CPNE5: variants seen among roughly 807,000 people sequenced by gnomAD.
CPNE5 encodes the protein copine 5.
A neutral mutation model predicts 81.1 loss-of-function variants in CPNE5; 42 were observed. The observed-to-expected ratio is 0.52, with a 90% CI of 0.40 to 0.67. The LOEUF (loss-of-function observed/expected upper bound fraction) is 0.67. CPNE5 is among the 30% of genes least tolerant of loss of function. The pLI is 0.00. For missense variants in CPNE5, 612 were observed against 815.5 expected, an observed-to-expected ratio of 0.75 and a Z score of 3.04; for synonymous variants, 313 against 321.5, an observed-to-expected ratio of 0.97 and a Z score of 0.28.
At chr6:36,809,813 C>A (rs949283718) in intron 3 of CPNE5, among the ~76,000 whole-genome samples, 1 of 151,816 alleles carries the variant, frequency 6.6e-6, no homozygotes, top group Non-Finnish European at 1.5e-5. Flanking sequence ...CTGAGTGGAG[C>A]CCTGGTTCAC....
chr6:36,744,974 C>T (rs1049472529), intron 18 of CPNE5, 74 bp downstream of exon 18: 5 of 1,056,554 alleles, frequency 4.7e-6, no homozygotes, highest in South Asian at 1.3e-5. Flanking sequence ...GAGGTAGGCA[C>T]ATCCCCAGGG....
At chr6:36,772,556 G>A (rs1164441546) in intron 10 of CPNE5, among the ~76,000 whole-genome samples, 1 of 152,208 alleles carries the variant, frequency 6.6e-6, no homozygotes, top group Non-Finnish European at 1.5e-5. Context: ...TCTCCCTAAA[G>A]ATGGGAAGGC....
chr6:36,776,614 G>T (rs1054057772), intron 9 of CPNE5, among the ~76,000 whole-genome samples: 3 of 152,088 alleles, frequency 2.0e-5, no homozygotes, highest in Non-Finnish European at 4.4e-5. Flanking sequence ...AGCCCTGCTA[G>T]GCTCCAAATA....
intron 1 of CPNE5, among the ~76,000 whole-genome samples, chr6:36,831,560 G>C (rs1420103409): frequency 1.4e-5 from 2 of 147,236 alleles, no homozygotes; most frequent in Non-Finnish European, 3.0e-5. Context: ...CACCATGTTG[G>C]CCAGGGAGGT....
intron 12 of CPNE5, among the ~76,000 whole-genome samples, chr6:36,760,515 AG>A (rs1033748478): frequency 9.9e-5 from 15 of 152,122 alleles, no homozygotes; most frequent in African/African-American, 3.6e-4. Context: ...AAGCCCCATA[AG>A]GGGGGAGATG....
chr6:36,800,944 A>G (rs573652120), intron 3 of CPNE5, among the ~76,000 whole-genome samples: 31 of 152,296 alleles, frequency 2.0e-4, no homozygotes, highest in African/African-American at 6.7e-4. Flanking sequence ...TTGCAAGCAA[A>G]TCTTGCCCAG....
intron 8 of CPNE5, among the ~76,000 whole-genome samples, chr6:36,786,279 G>A (rs1439653790): frequency 6.6e-6 from 1 of 152,184 alleles, no homozygotes; most frequent in Non-Finnish European, 1.5e-5. Context: ...GGCAGAAGCA[G>A]GAAACCTGGG....
At chr6:36,813,621 T>G (rs1771292596) in intron 3 of CPNE5, among the ~76,000 whole-genome samples, 2 of 152,216 alleles carry the variant, frequency 1.3e-5, no homozygotes, top group African/African-American at 4.8e-5. Context: ...CCCTACAGGA[T>G]CTGAACCTGA....
chr6:36,777,766 CCACA>C lies in CPNE5; in HGVS notation c.632+1084_632+1087del, dbSNP rs34423091. Among the ~76,000 whole-genome samples, 265 of 109,506 alleles carry C rather than the reference CCACA, an allele frequency of 2.4e-3. 3 individuals carry two copies. Among genetic ancestry groups the C allele is most frequent in the African/African-American group, 7.0e-3 (178 of 25,250 alleles). The allele number at this position is 109,506 out of a possible 152,430, so 71.8% of individuals were successfully genotyped here. Reference sequence around the variant, plus strand: ...GCTCCCCTGCCTACCCCCCCCCCCACCACACACACACACACACACACACACACAC... The same window carrying C: ...GCTCCCCTGCCTACCCCCCCCCCCACCACACACACACACACACACACACAC... On this transcript the variant is annotated intron_variant, in intron 9 of 20. Coordinates refer to ENST00000244751, the MANE Select transcript of CPNE5 (RefSeq NM_020939.2).
intron 1 of CPNE5, among the ~76,000 whole-genome samples, chr6:36,831,638 C>CAAAAAAAAAAAAA (rs35409136): frequency 2.4e-5 from 2 of 83,942 alleles, no homozygotes; most frequent in Admixed American, 1.4e-4. Flanking sequence ...GACACCATCT[C>CAAAAAAAAAAAAA]AAAAAAAAAA....
chr6:36,808,457 A>G (rs926717498), intron 3 of CPNE5, among the ~76,000 whole-genome samples: 8 of 152,106 alleles, frequency 5.3e-5, no homozygotes, highest in African/African-American at 1.9e-4. Flanking sequence ...GCTGGGAGGC[A>G]GCAACAGACA....
chr6:36,744,377 T>G (rs1177606629), intron 18 of CPNE5, 52 bp from the exon 19 acceptor site: 10 of 1,446,600 alleles, frequency 6.9e-6, no homozygotes, highest in Non-Finnish European at 9.5e-6. Flanking sequence ...TGGGACCCAG[T>G]TAAAAGGAAG....
chr6:36,806,579 C>G (rs886714189), intron 3 of CPNE5, among the ~76,000 whole-genome samples: 1 of 152,214 alleles, frequency 6.6e-6, no homozygotes, highest in Non-Finnish European at 1.5e-5. Context: ...CTCATCCATA[C>G]CTTTGAGAGA....
At chr6:36,762,304 G>GCACACACA (rs60481458) in intron 12 of CPNE5, among the ~76,000 whole-genome samples, 9,528 of 146,402 alleles carry the variant, frequency 0.065, 360 homozygotes, top group Middle Eastern at 0.17. Context: ...ACACATACAT[G>GCACACACA]CACACACACA....
rs116733746 is a variant in CPNE5 at position 36,802,931 on chromosome 6, G to A, written c.184-2861C>T. 2.8e-3 allele frequency among the ~76,000 whole-genome samples: 422 copies of A among 152,144 alleles called. 3 individuals are homozygous for A. Among genetic ancestry groups the A allele is most frequent in the African/African-American group, 9.8e-3 (407 of 41,512 alleles). ...AATTGAGCCAGGCTTGATGGCGCAC[G>A]CCTATAGTCCCAGATATTTGGGAGG... On this transcript the variant is annotated intron_variant, in intron 3 of 20. Transcript: ENST00000244751.
chr6:36,839,186 G>A lies in CPNE5; in HGVS notation c.95+97C>T. On this transcript the variant is annotated intron_variant, in intron 1 of 20. Transcript: ENST00000244751. The surrounding 1 kb of genome is among the most constrained non-coding windows in gnomAD (Gnocchi z 7.3). ...AGTCCTGGAGACCAGGACACTCTGGGAAGGGGGCGCGCGGAGGTTTAGGAT... is the reference window on the plus strand; with the variant it reads ...AGTCCTGGAGACCAGGACACTCTGGAAAGGGGGCGCGCGGAGGTTTAGGAT... 1 of 885,296 alleles carries A rather than the reference G, an allele frequency of 1.1e-6. No individual in the cohort carries two copies. Among genetic ancestry groups the A allele is most frequent in the African/African-American group, 1.7e-5 (1 of 58,438 alleles). 54.8% of individuals were successfully genotyped at this position (885,296 alleles called of 1,614,324 possible). A position where few individuals can be genotyped will look rare whatever the true frequency, so the allele number is the denominator to read the frequency against.
intron 7 of CPNE5, 140 bp downstream of exon 7, chr6:36,794,450 G>T (rs551786447): frequency 3.2e-4 from 238 of 743,646 alleles, no homozygotes; most frequent in African/African-American, 3.1e-3. Flanking sequence ...GCCTAAGGAG[G>T]AACCCAGGAC....
At chr6:36,779,946 C>T (rs1767879417) in intron 8 of CPNE5, among the ~76,000 whole-genome samples, 1 of 151,138 alleles carries the variant, frequency 6.6e-6, no homozygotes, top group Non-Finnish European at 1.5e-5. Context: ...TCACTCCGCT[C>T]CCTCACACAT....
At chr6:36,826,619 A>G (rs1583032530) in intron 1 of CPNE5, among the ~76,000 whole-genome samples, 1 of 152,160 alleles carries the variant, frequency 6.6e-6, no homozygotes, top group Non-Finnish European at 1.5e-5. Context: ...GCATGCCTCC[A>G]TGGCAGAGTT....
Sources: allele counts gnomAD v4.1 joint callset (sites outside exome capture counted in the v4.1 genomes callset), GRCh38; gene constraint gnomAD v4.1.1; non-coding constraint Gnocchi (gnomAD v3.1); transcripts MANE v1.5; gene names NCBI Gene and HGNC (gene_info 2026-07-23, HGNC 2026-07-21).